PTPN21: variants seen among roughly 807,000 people sequenced by gnomAD.
PTPN21 encodes tyrosine-protein phosphatase non-receptor type 21.
Under a neutral mutation model 131.8 loss-of-function variants are expected in PTPN21, and 77 were observed. The observed-to-expected ratio is 0.58, with a 90% CI of 0.49 to 0.71. The LOEUF (loss-of-function observed/expected upper bound fraction) is 0.71, where lower values mean the gene tolerates loss of function less well. Ranked by LOEUF, PTPN21 falls within the 30% of genes least tolerant of loss-of-function variation. The probability of loss-of-function intolerance (pLI) is 0.00; values close to 1 mark genes in which losing one functional copy is unlikely to be tolerated. For synonymous variants in PTPN21, 715 were observed against 621.3 expected (o/e 1.15, Z -2.24); for missense variants, 1,552 against 1,527.1 (o/e 1.02, Z -0.27).
At chr14:88,470,496 C>G (rs1355587499) in intron 15 of PTPN21, 1 of 165,332 alleles carries the variant, frequency 6.0e-6, no homozygotes, top group Non-Finnish European at 1.3e-5. Flanking sequence ...GAGTCAAGGT[C>G]ACTCTCCACA....
Position 88,479,873 on chromosome 14 carries a change from T to C in PTPN21, c.1558A>G (p.Ser520Gly). Residue 520 changes from serine (S) to glycine (G), a missense_variant, in exon 13 of 19, where the codon AGC becomes GGC. Transcript: ENST00000556564. ...CPFSLSYSFH[S>G]PSPYPYPAER... ...GCAGGGTAGGGGTAGGGAGACGGGCTGTGGAAGCTGTAGCTCAGGCTGAAC... is the reference window on the plus strand; with the variant it reads ...GCAGGGTAGGGGTAGGGAGACGGGCCGTGGAAGCTGTAGCTCAGGCTGAAC... 1 of 1,579,450 alleles carries C rather than the reference T, an allele frequency of 6.3e-7. No homozygotes were observed. Among genetic ancestry groups the C allele is most frequent in the Non-Finnish European group, 8.6e-7 (1 of 1,166,734 alleles).
intron 5 of PTPN21, among the ~76,000 whole-genome samples, chr14:88,504,985 C>T (rs1488566300): frequency 6.6e-6 from 1 of 152,128 alleles, no homozygotes; most frequent in Non-Finnish European, 1.5e-5. Flanking sequence ...AGGTTTCAAA[C>T]CTTCAGTTAA....
At chr14:88,538,901 T>C (rs945574579) in intron 2 of PTPN21, among the ~76,000 whole-genome samples, 1 of 152,216 alleles carries the variant, frequency 6.6e-6, no homozygotes, top group African/African-American at 2.4e-5. Context: ...CAAAAACATT[T>C]AAAGCACTTA....
intron 1 of PTPN21, among the ~76,000 whole-genome samples, chr14:88,553,040 CCATT>C (rs1303415933): frequency 1.3e-5 from 2 of 152,064 alleles, no homozygotes; most frequent in Non-Finnish European, 2.9e-5. Flanking sequence ...GTATTAGGTG[CCATT>C]CAAATATGGT....
In PTPN21 at chr14:88,479,277, G is replaced by GTCCTCGTCC; in HGVS notation, c.2145_2153dup (p.Glu715_Glu717dup). The GTCCTCGTCC allele has an allele frequency of 6.2e-7, 1 of 1,613,018 alleles. No homozygotes were observed. Among genetic ancestry groups the GTCCTCGTCC allele is most frequent in the Non-Finnish European group, 8.5e-7 (1 of 1,179,358 alleles). The stretch of plus-strand genomic sequence containing the variant: ...CCCGGGCCCCGCTCTCCTCCTCGAA[G>GTCCTCGTCC]TCCTCGTCCTCCTCCTCCTCGCTGC... On this transcript the variant is annotated inframe_insertion, in exon 13 of 19. Transcript: ENST00000556564.
chr14:88,469,514 G>A lies in PTPN21; in HGVS notation c.3220C>T (p.Leu1074Phe), dbSNP rs2077421814. The change falls in exon 17 of 19, where the codon CTC becomes TTC. Residue 1074 changes from leucine to phenylalanine, a missense_variant. By Grantham distance (22) the Leu-to-Phe change is conservative. Around this residue, in one of 4 missense-constraint regions of PTPN21, gnomAD observed 316 missense variants for 378.5 expected, o/e 0.83. Transcript: ENST00000556564. The surrounding 1 kb of genome is among the most constrained non-coding windows in gnomAD (Gnocchi z 4.3). ...AGTCACTCACATAAAAATCCCTTGA[G>A]GTCTTCTGGACAGCCATGTTCAGGC... is the stretch of plus-strand genomic sequence containing the variant. ...DWPEHGCPED[L>F]KGFLSYLEEI... 1.2e-6 allele frequency: 2 copies of A among 1,613,410 alleles called. No individual in the cohort carries two copies. The highest frequency in any genetic ancestry group is 2.2e-5 in the East Asian group (1 of 44,882).
intron 10 of PTPN21, among the ~76,000 whole-genome samples, chr14:88,495,662 G>A (rs2077901710): frequency 6.6e-6 from 1 of 152,174 alleles, no homozygotes; most frequent in Admixed American, 6.5e-5. Context: ...GACCAAACCA[G>A]CAAAGGTGAC....
chr14:88,531,363 C>A (rs986301131), intron 2 of PTPN21, among the ~76,000 whole-genome samples: 19 of 152,084 alleles, frequency 1.2e-4, no homozygotes, highest in African/African-American at 4.6e-4. Flanking sequence ...TCAAGACCAG[C>A]CTGGCCAACA....
intron 11 of PTPN21, 45 bp downstream of exon 11, chr14:88,485,737 A>C (rs1206608561): frequency 1.5e-6 from 2 of 1,376,610 alleles, no homozygotes; most frequent in Non-Finnish European, 1.0e-6. Context: ...TTCAGGAAAA[A>C]CATCACTAAA....
At chr14:88,476,996 T>C (rs1192940793) in intron 13 of PTPN21, among the ~76,000 whole-genome samples, 2 of 152,118 alleles carry the variant, frequency 1.3e-5, no homozygotes, top group African/African-American at 4.8e-5. Flanking sequence ...AGATAGCATT[T>C]GGGGAAAGTA....
rs2078489193 is a variant in PTPN21, at chr14:88,527,018, G to T, written c.181-9757C>A. On this transcript the variant is annotated intron_variant, in intron 2 of 18. Transcript: ENST00000556564. Reference sequence around the variant, plus strand: ...GAGTAGTATTCCATGGTGTGTGCGTGTTTGTGTGTGTCACATTTTCCCTTA... The same window carrying T: ...GAGTAGTATTCCATGGTGTGTGCGTTTTTGTGTGTGTCACATTTTCCCTTA... Among the ~76,000 whole-genome samples the T allele has an allele frequency of 2.0e-5, 3 of 152,138 alleles. No homozygotes were observed. The South Asian group carries it at 6.2e-4, about 31-fold the overall frequency.
chr14:88,523,057 GA>G (rs1179739167), intron 2 of PTPN21, among the ~76,000 whole-genome samples: 3 of 151,776 alleles, frequency 2.0e-5, no homozygotes, highest in Admixed American at 6.6e-5. Context: ...GAGTGAGCAC[GA>G]AAATCAAGGA....
intron 12 of PTPN21, 65 bp downstream of exon 12, chr14:88,485,011 C>T: frequency 1.5e-6 from 2 of 1,373,552 alleles, no homozygotes; most frequent in Non-Finnish European, 2.1e-6. Context: ...TCATGATCTC[C>T]AAGCATTCAC....
At chr14:88,509,754 G>C (rs2078147961) in intron 3 of PTPN21, among the ~76,000 whole-genome samples, 1 of 152,178 alleles carries the variant, frequency 6.6e-6, no homozygotes, top group Non-Finnish European at 1.5e-5. Flanking sequence ...CACTAGAAAG[G>C]GCTGGGTGCA....
At chr14:88,541,849 C>G (rs1469145074) in intron 2 of PTPN21, among the ~76,000 whole-genome samples, 1 of 152,182 alleles carries the variant, frequency 6.6e-6, no homozygotes, top group Non-Finnish European at 1.5e-5. Context: ...ATCTTTCACT[C>G]TGGGAAGTAG....
chr14:88,497,016 C>T (rs1018603363), intron 9 of PTPN21, among the ~76,000 whole-genome samples, 187 bp downstream of exon 9: 25 of 152,188 alleles, frequency 1.6e-4, no homozygotes, highest in African/African-American at 5.5e-4. Flanking sequence ...TCAGCATTTA[C>T]TGAGCAGCCA....
chr14:88,545,119 G>A (rs1410318466), intron 2 of PTPN21, among the ~76,000 whole-genome samples: 1 of 152,136 alleles, frequency 6.6e-6, no homozygotes, highest in Non-Finnish European at 1.5e-5. Context: ...ACACGCGTGA[G>A]CCACCGCGCC....
intron 11 of PTPN21, 65 bp downstream of exon 11, chr14:88,485,717 G>T: frequency 8.5e-7 from 1 of 1,181,018 alleles, no homozygotes. Context: ...AGCATTGAAA[G>T]CATATTTTAT....
At chr14:88,532,221 A>G (rs1378965826) in intron 2 of PTPN21, among the ~76,000 whole-genome samples, 1 of 152,224 alleles carries the variant, frequency 6.6e-6, no homozygotes. Context: ...AAACTATTCC[A>G]AAAGATAGAG....
Sources: allele counts gnomAD v4.1 joint callset (sites outside exome capture counted in the v4.1 genomes callset), GRCh38; gene constraint gnomAD v4.1.1; regional missense constraint gnomAD v4.1.1; non-coding constraint Gnocchi (gnomAD v3.1); transcripts MANE v1.5; gene names NCBI Gene and HGNC (gene_info 2026-07-23, HGNC 2026-07-21).